AACS: variants seen among roughly 807,000 people sequenced by gnomAD.
The protein encoded by AACS is acetoacetate-CoA ligase.
AACS carries 69 observed loss-of-function variants against 83.1 expected under a neutral mutation model. The observed-to-expected ratio is 0.83, with a 90% CI of 0.68 to 1.01. The LOEUF (loss-of-function observed/expected upper bound fraction) is 1.01. Ranked by LOEUF, AACS falls within the 50% of genes least tolerant of loss-of-function variation. The pLI, the probability that AACS is intolerant of heterozygous loss-of-function variation, is 0.00. For missense variants in AACS, 866 were observed against 882.2 expected (o/e 0.98, Z 0.23); for synonymous variants, 333 against 343.4 (o/e 0.97, Z 0.33).
chr12:125,101,212 CATTAATAATCTGTTAATA>C (rs908329404), intron 5 of AACS: 1 of 152,214 alleles, frequency 6.6e-6, no homozygotes, highest in Non-Finnish European at 1.5e-5. Flanking sequence ...CTGTTACTAA[CATTAATAATCTGTTAATA>C]ATTAATAATC....
chr12:125,107,295 G>A, intron 8 of AACS, 27 bp downstream of exon 8: 1 of 1,609,210 alleles, frequency 6.2e-7, no homozygotes. Flanking sequence ...GGCTCTGCAG[G>A]GCCTCCTGTT....
chr12:125,067,046 G>A (rs187238035), intron 1 of AACS, among the ~76,000 whole-genome samples: 1 of 152,224 alleles, frequency 6.6e-6, no homozygotes, highest in Admixed American at 6.5e-5. Context: ...GAGTAATCTT[G>A]AAGCATACAG....
intron 1 of AACS, among the ~76,000 whole-genome samples, chr12:125,070,367 G>A (rs541433683): frequency 5.9e-5 from 9 of 152,130 alleles, no homozygotes; most frequent in South Asian, 4.1e-4. Flanking sequence ...TTAGAAGGGC[G>A]GATAGCCTGT....
chr12:125,066,649 A>AT (rs1288958870), intron 1 of AACS, among the ~76,000 whole-genome samples: 2 of 151,806 alleles, frequency 1.3e-5, no homozygotes, highest in African/African-American at 4.8e-5. Context: ...GAGTTTCTCC[A>AT]TGTTGGTCAG....
In AACS at chr12:125,082,201, T is replaced by C. The variant is rs572160357; in HGVS notation, c.359-4129T>C. ...TTTTTTTTTTTTTGGAGACAGGGTC[T>C]TGATTTGTTGCCCAGATTGGAGTGC... On this transcript the variant is annotated intron_variant, in intron 3 of 17. Transcript: ENST00000316519. 2.0e-5 allele frequency among the ~76,000 whole-genome samples: 3 copies of C among 150,032 alleles called. No individual in the cohort carries two copies. The South Asian group carries it at 6.4e-4, about 32-fold the overall frequency.
intron 9 of AACS, among the ~76,000 whole-genome samples, chr12:125,115,405 C>T (rs184172900): frequency 7.2e-5 from 11 of 152,174 alleles, no homozygotes; most frequent in Admixed American, 5.9e-4. Flanking sequence ...GGACTACAGG[C>T]GTGCACCACC....
chr12:125,093,778 G>A (rs1956542577), intron 5 of AACS, among the ~76,000 whole-genome samples: 1 of 152,232 alleles, frequency 6.6e-6, no homozygotes, highest in African/African-American at 2.4e-5. Flanking sequence ...TTTTGCTAGT[G>A]TCCGAGGTAT....
In AACS at chr12:125,102,715, CTCA is replaced by C; in HGVS notation, c.610_612del (p.Ile204del). On this transcript the variant is annotated inframe_deletion, in exon 6 of 18. Transcript: ENST00000316519. ...CCGGTTTTCTCAAATTCAGCCAAAGCTCATCTTCTCTGTGGAGGCTGTTGTCTA... is the reference window on the plus strand; with the variant it reads ...CCGGTTTTCTCAAATTCAGCCAAAGCTCTTCTCTGTGGAGGCTGTTGTCTA... 1 of 1,614,156 alleles carries C rather than the reference CTCA, an allele frequency of 6.2e-7. No homozygotes were observed. Among genetic ancestry groups the C allele is most frequent in the South Asian group, 1.1e-5 (1 of 91,078 alleles).
chr12:125,070,005 A>G (rs981956718), intron 1 of AACS, among the ~76,000 whole-genome samples: 1 of 152,170 alleles, frequency 6.6e-6, no homozygotes, highest in Non-Finnish European at 1.5e-5. Flanking sequence ...GGAGTGGCCA[A>G]CCCGGATTTA....
chr12:125,128,637 C>T (rs1957283234), intron 13 of AACS: 2 of 170,006 alleles, frequency 1.2e-5, no homozygotes, highest in Non-Finnish European at 2.5e-5. Context: ...TCCCGCTATG[C>T]TGGGCCTGGC....
intron 3 of AACS, among the ~76,000 whole-genome samples, chr12:125,081,455 C>T (rs181921115): frequency 1.4e-4 from 22 of 152,280 alleles, no homozygotes; most frequent in Admixed American, 9.8e-4. Context: ...CATTGTGCTT[C>T]GTTTTCTGCA....
chr12:125,084,579 T>A (rs531423475), intron 3 of AACS, among the ~76,000 whole-genome samples: 4 of 59,508 alleles, frequency 6.7e-5, no homozygotes, highest in African/African-American at 8.3e-5. Context: ...AGTTTTTAAA[T>A]TTTTTTTTTT....
intron 5 of AACS, among the ~76,000 whole-genome samples, chr12:125,095,758 G>A (rs1956593372): frequency 6.6e-6 from 1 of 152,162 alleles, no homozygotes; most frequent in African/African-American, 2.4e-5. Context: ...CAGTATCTTA[G>A]CACCCGAATC....
At chr12:125,098,284 G>A (rs12829554) in intron 5 of AACS, among the ~76,000 whole-genome samples, 2 of 151,750 alleles carry the variant, frequency 1.3e-5, no homozygotes, top group Admixed American at 6.6e-5. Context: ...AAATAACTTA[G>A]CTGGGTGTGG....
At chr12:125,086,086 G>C (rs113019277) in intron 3 of AACS, among the ~76,000 whole-genome samples, 1,580 of 152,252 alleles carry the variant, frequency 0.01, 36 homozygotes, top group African/African-American at 0.036. Context: ...CCCCTGCACC[G>C]GGCCTAATAG....
At chr12:125,104,430 C>T (rs1231181276) in intron 7 of AACS, among the ~76,000 whole-genome samples, 4 of 152,202 alleles carry the variant, frequency 2.6e-5, no homozygotes, top group Non-Finnish European at 5.9e-5. Context: ...TGTGTCCTGT[C>T]CTCCGGGAGT....
rs1385790106 is a variant in AACS, at chr12:125,113,630, C to G, written c.916-847C>G. Among the ~76,000 whole-genome samples the G allele has an allele frequency of 6.6e-6, 1 of 152,144 alleles. No individual in the cohort carries two copies. The highest frequency in any genetic ancestry group is 6.5e-5 in the Admixed American group (1 of 15,284). On this transcript the variant is annotated intron_variant, in intron 8 of 17. Transcript: ENST00000316519. The surrounding 1 kb of genome is among the most constrained non-coding windows in gnomAD (Gnocchi z 4.8). ...AGACATGAGGGAGCTCCCGGCATGC[C>G]AAGGAAGAGCTCCCAGGTGTGCTGT...
At chr12:125,131,713 C>T (rs748309688) in intron 14 of AACS, among the ~76,000 whole-genome samples, 12 of 152,192 alleles carry the variant, frequency 7.9e-5, no homozygotes, top group East Asian at 1.9e-4. Context: ...CTTCTCCTGC[C>T]TCAGCCTCCT....
intron 8 of AACS, among the ~76,000 whole-genome samples, chr12:125,109,360 T>A (rs1178409622): frequency 6.6e-6 from 1 of 151,824 alleles, no homozygotes; most frequent in Non-Finnish European, 1.5e-5. Context: ...CAAGTGATCC[T>A]CTCGCCTTGG....
Sources: gnomAD v4.1 joint callset for allele counts (sites outside exome capture counted in the v4.1 genomes callset) on GRCh38, gnomAD v4.1.1 for gene constraint, Gnocchi (gnomAD v3.1) non-coding constraint, MANE v1.5 for transcripts, NCBI Gene and HGNC (gene_info 2026-07-23, HGNC 2026-07-21) for gene names.